The following TNS3 variants were observed in gnomAD, a reference collection of about 807,000 sequenced individuals.
TNS3 encodes the protein tensin-3.
TNS3 carries 45 observed loss-of-function variants against 140.9 expected under a neutral mutation model. The ratio of observed to expected loss-of-function variants is 0.32; its 90% confidence interval spans 0.25 to 0.41. The LOEUF is 0.41. Ranked by LOEUF, TNS3 falls within the 10% of genes least tolerant of loss-of-function variation. TNS3 has a pLI of 1.00. For synonymous variants in TNS3, 815 were observed against 788.4 expected, an observed-to-expected ratio of 1.03 and a Z score of -0.56; for missense variants, 1,716 against 1,906.7, an observed-to-expected ratio of 0.90 and a Z score of 1.86.
At chr7:47,436,104 G>A (rs1352467027) in intron 7 of TNS3, among the ~76,000 whole-genome samples, 1 of 152,174 alleles carries the variant, frequency 6.6e-6, no homozygotes, top group Admixed American at 6.5e-5. Context: ...AATAGTGTAA[G>A]ACTGTTGGAA....
In TNS3 at chr7:47,277,256, T is replaced by A. The variant is rs1039976296; in HGVS notation, c.*820A>T. 5 of 152,398 alleles carry A rather than the reference T, an allele frequency of 3.3e-5. No homozygotes were observed. The highest frequency in any genetic ancestry group is 9.6e-5 in the African/African-American group (4 of 41,578). The allele number at this position is 152,398 out of a possible 1,614,324, so 9.4% of individuals were successfully genotyped here. On this transcript the variant is annotated 3_prime_UTR_variant, in exon 31 of 31. Coordinates refer to ENST00000311160, the MANE Select transcript of TNS3 (RefSeq NM_022748.12). ...GGTACAGTATAGCAATGGCAAATTA[T>A]CATAAATAATTTGGCATAAGTAAAA...
intron 24 of TNS3, among the ~76,000 whole-genome samples, chr7:47,295,895 C>T (rs550063103): frequency 1.7e-4 from 26 of 152,290 alleles, no homozygotes; most frequent in African/African-American, 5.8e-4. Context: ...GAAAAATTCT[C>T]TCAGGTATTA....
intron 4 of TNS3, among the ~76,000 whole-genome samples, chr7:47,449,027 TGCCTGAGACTAACAAGCCA>T (rs1465144915): frequency 6.6e-6 from 1 of 152,198 alleles, no homozygotes; most frequent in Non-Finnish European, 1.5e-5. Flanking sequence ...GTCCAATGCC[TGCCTGAGACTAACAAGCCA>T]GCCTTGCTCA....
intron 17 of TNS3, among the ~76,000 whole-genome samples, chr7:47,350,569 G>A (rs1056663554): frequency 6.6e-6 from 1 of 152,208 alleles, no homozygotes; most frequent in Admixed American, 6.5e-5. Context: ...CGTTGCTACC[G>A]GGCTGGCGGG....
At chr7:47,416,711 C>G (rs1271322967) in intron 10 of TNS3, among the ~76,000 whole-genome samples, 2 of 152,182 alleles carry the variant, frequency 1.3e-5, no homozygotes, top group Non-Finnish European at 2.9e-5. Context: ...ACTTTCTACC[C>G]TGGCAACAAG....
At chr7:47,564,602 C>T (rs1469032997) in intron 1 of TNS3, among the ~76,000 whole-genome samples, 2 of 140,264 alleles carry the variant, frequency 1.4e-5, no homozygotes, top group Non-Finnish European at 3.0e-5. Context: ...TGCCATCGCA[C>T]TCCAGCCTGG....
intron 4 of TNS3, among the ~76,000 whole-genome samples, chr7:47,453,733 G>A (rs1449107342): frequency 1.3e-5 from 2 of 152,236 alleles, no homozygotes; most frequent in Non-Finnish European, 2.9e-5. Flanking sequence ...ACGGTTCTGA[G>A]TTACAAAACG....
intron 27 of TNS3, among the ~76,000 whole-genome samples, chr7:47,284,150 G>A (rs1354272239): frequency 6.6e-6 from 1 of 152,196 alleles, no homozygotes; most frequent in African/African-American, 2.4e-5. Flanking sequence ...CCAGCCAGAG[G>A]GAGCTTTCTA....
At chr7:47,581,650 C>T (rs905704697) in intron 1 of TNS3, 1 of 152,218 alleles carries the variant, frequency 6.6e-6, no homozygotes, top group East Asian at 2.0e-4. Flanking sequence ...CCCAGCCAGT[C>T]CCCAAACCCA....
intron 10 of TNS3, among the ~76,000 whole-genome samples, chr7:47,423,510 G>A (rs950232623): frequency 3.3e-5 from 5 of 152,272 alleles, no homozygotes; most frequent in African/African-American, 1.2e-4. Flanking sequence ...CCCAGGAGCA[G>A]AGAAGGGAGA....
intron 9 of TNS3, among the ~76,000 whole-genome samples, chr7:47,428,045 T>A (rs1396049138): frequency 6.6e-6 from 1 of 152,110 alleles, no homozygotes; most frequent in African/African-American, 2.4e-5. Flanking sequence ...CAAGGGACAG[T>A]GGGGTCACTT....
At position 47,413,503 on chromosome 7, in the gene TNS3, G is replaced by T. The variant is rs1028560236; in HGVS notation, c.647+434C>A. Among the ~76,000 whole-genome samples the T allele has an allele frequency of 3.3e-5, 5 of 151,774 alleles. No individual in the cohort carries two copies. In the South Asian group the frequency reaches 1.0e-3, roughly 32 times the overall value. On this transcript the variant is annotated intron_variant, in intron 12 of 30. Coordinates refer to ENST00000311160, the MANE Select transcript of TNS3 (RefSeq NM_022748.12). ...ATCTGTAATCCTGGCACTTTGGGAGGCCGAGACGGGTAGATCACTTGAGGT... is the reference window on the plus strand; with the variant it reads ...ATCTGTAATCCTGGCACTTTGGGAGTCCGAGACGGGTAGATCACTTGAGGT...
At chr7:47,479,736 A>G (rs2151783507) in intron 4 of TNS3, among the ~76,000 whole-genome samples, 1 of 152,334 alleles carries the variant, frequency 6.6e-6, no homozygotes, top group South Asian at 2.1e-4. Context: ...ACCACACCAC[A>G]TGCCAGCATT....
chr7:47,409,596 G>C (rs1183254605), intron 13 of TNS3, among the ~76,000 whole-genome samples: 2 of 152,070 alleles, frequency 1.3e-5, no homozygotes, highest in Admixed American at 1.3e-4. Context: ...AGAACACTAC[G>C]CAAACAAGAT....
In TNS3 at chr7:47,361,464, C is replaced by A. The variant is rs189131421; in HGVS notation, c.2281+6901G>T. ...CTGGCTGAGAGGCTCTGGCTGAGCA[C>A]CCCCAGCACGTTCCCCAACTCTGGA... On this transcript the variant is annotated intron_variant, in intron 17 of 30. Coordinates refer to ENST00000311160, the MANE Select transcript of TNS3 (RefSeq NM_022748.12). Among the ~76,000 whole-genome samples the A allele has an allele frequency of 5.9e-5, 9 of 152,282 alleles. No individual in the cohort carries two copies. The East Asian group carries it at 1.7e-3, about 29-fold the overall frequency.
At chr7:47,554,530 T>A (rs1800146862) in intron 1 of TNS3, among the ~76,000 whole-genome samples, 1 of 152,120 alleles carries the variant, frequency 6.6e-6, no homozygotes, top group Non-Finnish European at 1.5e-5. Context: ...TAACAGGAGT[T>A]TGGAAGAAGT....
chr7:47,417,239 G>A (rs1410383685), intron 10 of TNS3, among the ~76,000 whole-genome samples: 2 of 152,244 alleles, frequency 1.3e-5, no homozygotes, highest in African/African-American at 2.4e-5. Flanking sequence ...GCCATCCTCC[G>A]GGAAACCATG....
chr7:47,523,683 C>CTG (rs1284312453), intron 2 of TNS3, among the ~76,000 whole-genome samples: 1 of 152,214 alleles, frequency 6.6e-6, no homozygotes, highest in African/African-American at 2.4e-5. Flanking sequence ...GGTTTTCCTT[C>CTG]ATCTGGGCCA....
chr7:47,450,288 AC>A (rs1249770071), intron 4 of TNS3, among the ~76,000 whole-genome samples: 5 of 152,248 alleles, frequency 3.3e-5, no homozygotes, highest in African/African-American at 1.2e-4. Context: ...AAAAGCAGTG[AC>A]ATCTGCTCCT....
Sources: gnomAD v4.1 joint callset for allele counts (sites outside exome capture counted in the v4.1 genomes callset) on GRCh38, gnomAD v4.1.1 for gene constraint, MANE v1.5 for transcripts, NCBI Gene and HGNC (gene_info 2026-07-23, HGNC 2026-07-21) for gene names.